The following CHD5 variants were observed in gnomAD, a reference collection of about 807,000 sequenced individuals.
CHD5 encodes the protein chromodomain helicase DNA binding protein 5.
In CHD5, 69 loss-of-function variants were observed where a neutral mutation model predicts 230.3. The ratio of observed to expected loss-of-function variants is 0.30; its 90% CI spans 0.25 to 0.37. The LOEUF is 0.37. CHD5 is among the 10% of genes least tolerant of loss of function. The pLI is 1.00. For missense variants in CHD5, 1,827 were observed against 2,622.8 expected (o/e 0.70, Z 6.63); for synonymous variants, 1,064 against 1,065.9 (o/e 1.00, Z 0.03).
intron 9 of CHD5, among the ~76,000 whole-genome samples, chr1:6,148,378 G>C (rs1666944082): frequency 6.6e-6 from 1 of 152,224 alleles, no homozygotes; most frequent in African/African-American, 2.4e-5. Flanking sequence ...ACAGGAGCCA[G>C]GTCTGGGGTG....
At position 6,111,058 on chromosome 1, in the gene CHD5, C is replaced by T. The variant is rs573352378; in HGVS notation, c.5250-532G>A. Among the ~76,000 whole-genome samples the T allele has an allele frequency of 2.0e-5, 3 of 151,592 alleles. No homozygotes were observed. In the East Asian group the frequency reaches 5.8e-4, roughly 29 times the overall value. On this transcript the variant is annotated intron_variant, in intron 36 of 41. Coordinates refer to ENST00000262450, the MANE Select transcript of CHD5 (RefSeq NM_015557.3). ...CAGCCTGGCCAACAAGGCGAAACCC[C>T]GTCTCTACTAAAATTACAAAAACTA...
intron 1 of CHD5, among the ~76,000 whole-genome samples, chr1:6,177,989 G>C (rs1667451448): frequency 6.6e-6 from 1 of 152,160 alleles, no homozygotes; most frequent in Non-Finnish European, 1.5e-5. Flanking sequence ...GTGGGTAGAA[G>C]GCCCTGGAGG....
rs983534763 is a variant in CHD5 at position 6,105,339 on chromosome 1, C to T, written c.*135G>A. The stretch of plus-strand genomic sequence containing the variant: ...TCCATGTGATGGCATTACTAGGTTT[C>T]CCTTTTTGTCCCAAGGTGGCGCTGG... On this transcript the variant is annotated 3_prime_UTR_variant, in exon 42 of 42. Coordinates refer to ENST00000262450, the MANE Select transcript of CHD5 (RefSeq NM_015557.3). This position sits in a 1 kb window ranked among gnomAD's most constrained non-coding sequence, Gnocchi z 4.8. The T allele has an allele frequency of 2.1e-6, 1 of 467,256 alleles. No homozygotes were observed. The highest frequency in any genetic ancestry group is 4.4e-6 in the Non-Finnish European group (1 of 225,540). 28.9% of individuals were successfully genotyped at this position (467,256 alleles called of 1,614,324 possible).
In CHD5 at chr1:6,168,144, C is replaced by T. The variant is rs779039813; in HGVS notation, c.207+6G>A. On this transcript the variant is annotated splice_donor_region_variant and intron_variant, in intron 2 of 41. Coordinates refer to ENST00000262450, the MANE Select transcript of CHD5 (RefSeq NM_015557.3). ...CAAGCTCGCCGGCGCAGGTGCTGCC[C>T]CTCACCTCTTTCTTCTTCCGCTTCC... 1 of 1,600,818 alleles carries T rather than the reference C, an allele frequency of 6.2e-7. No homozygotes were observed. Among genetic ancestry groups the T allele is most frequent in the East Asian group, 2.2e-5 (1 of 44,558 alleles).
In CHD5 at chr1:6,142,454, G is replaced by A; in HGVS notation, c.2195C>T (p.Thr732Met). 1 of 1,614,070 alleles carries A rather than the reference G, an allele frequency of 6.2e-7. No individual in the cohort carries two copies. The change falls in exon 14 of 42, where the codon ACG (threonine) becomes ATG (methionine). Residue 732 changes from threonine (T) to methionine (M), a missense_variant. This residue lies in a region of CHD5 where 37 missense variants were observed against 105.7 expected (regional missense o/e 0.35). Transcript: ENST00000262450. The surrounding 1 kb of genome is among the most constrained non-coding windows in gnomAD (Gnocchi z 5.2). ...GTAAAGGAACACGATGGTCTGCACC[G>A]TCTTGCCCAGACCCATCTCATCGGC... ...ILADEMGLGK[T>M]VQTIVFLYSL...
At position 6,129,468 on chromosome 1, in the gene CHD5, G is replaced by A. The variant is rs1666617971; in HGVS notation, c.3388-399C>T. On this transcript the variant is annotated intron_variant, in intron 22 of 41. Coordinates refer to ENST00000262450, the MANE Select transcript of CHD5 (RefSeq NM_015557.3). This position sits in a 1 kb window ranked among gnomAD's most constrained non-coding sequence, Gnocchi z 6.8. Reference sequence around the variant, plus strand: ...TAATGGGACCACAAGACCATGTGCTGGAGACACGCAGCCACCTTCTGAGGG... The same window carrying A: ...TAATGGGACCACAAGACCATGTGCTAGAGACACGCAGCCACCTTCTGAGGG... 2.0e-5 allele frequency among the ~76,000 whole-genome samples: 3 copies of A among 152,260 alleles called. No individual in the cohort carries two copies. The highest frequency in any genetic ancestry group is 2.1e-4 in the South Asian group (1 of 4,820).
In CHD5 at chr1:6,155,850, A is replaced by G; in HGVS notation, c.388-133T>C. ...GTTGTGTCTGCAATGTAACCAGACC[A>G]TTCTCACCCACCCTAGGAAACATTC... On this transcript the variant is annotated intron_variant, in intron 3 of 41. Coordinates refer to ENST00000262450, the MANE Select transcript of CHD5 (RefSeq NM_015557.3). The surrounding 1 kb of genome is among the most constrained non-coding windows in gnomAD (Gnocchi z 4.0). The G allele has an allele frequency of 1.5e-6, 1 of 654,190 alleles. No individual in the cohort carries two copies. The highest frequency in any genetic ancestry group is 2.7e-5 in the East Asian group (1 of 36,768). The allele number at this position is 654,190 out of a possible 1,614,324, so 40.5% of individuals were successfully genotyped here.
chr1:6,134,684 T>A lies in CHD5; in HGVS notation c.3012+34A>T. On this transcript the variant is annotated intron_variant, in intron 19 of 41. Coordinates refer to ENST00000262450, the MANE Select transcript of CHD5 (RefSeq NM_015557.3). This position sits in a 1 kb window ranked among gnomAD's most constrained non-coding sequence, Gnocchi z 6.3. ...CCACAGGCACCTACCATGGCGGTCA[T>A]GGAGAAGCTGCCATGATGGCCGGGG... 1 of 1,611,380 alleles carries A rather than the reference T, an allele frequency of 6.2e-7. No homozygotes were observed. Among genetic ancestry groups the A allele is most frequent in the South Asian group, 1.1e-5 (1 of 91,002 alleles).
chr1:6,142,950 G>A lies in CHD5; in HGVS notation c.2044-345C>T, dbSNP rs184038627. On this transcript the variant is annotated intron_variant, in intron 13 of 41. Coordinates refer to ENST00000262450, the MANE Select transcript of CHD5 (RefSeq NM_015557.3). The surrounding 1 kb of genome is among the most constrained non-coding windows in gnomAD (Gnocchi z 5.2). ...CTCTTGAGTACCACACAGTGCCTGG[G>A]ACATGTGGTCACTTACTCACCATTT... Among the ~76,000 whole-genome samples, 1 of 152,180 alleles carries A rather than the reference G, an allele frequency of 6.6e-6. No homozygotes were observed. Among genetic ancestry groups the A allele is most frequent in the South Asian group, 2.1e-4 (1 of 4,828 alleles).
chr1:6,169,134 C>T (rs1198151405), intron 1 of CHD5, among the ~76,000 whole-genome samples: 1 of 152,114 alleles, frequency 6.6e-6, no homozygotes, highest in Admixed American at 6.6e-5. Context: ...GCCAGGATAC[C>T]CCATGGGTTT....
At chr1:6,156,290 A>T (rs1453065407) in intron 3 of CHD5, among the ~76,000 whole-genome samples, 3 of 152,072 alleles carry the variant, frequency 2.0e-5, no homozygotes, top group African/African-American at 7.2e-5. Context: ...TAATCCCAAC[A>T]CTTTGGGAGG....
chr1:6,138,359 AGAGT>A (rs1557549119), intron 15 of CHD5, among the ~76,000 whole-genome samples: 3 of 152,056 alleles, frequency 2.0e-5, no homozygotes, highest in African/African-American at 7.2e-5. Flanking sequence ...CCTGGGTGAC[AGAGT>A]GAGTCTCTGT....
rs767523149 is a variant in CHD5, at chr1:6,142,342, C to T, written c.2236-14G>A. 1.3e-6 allele frequency: 2 copies of T among 1,598,132 alleles called. No individual in the cohort carries two copies. Among genetic ancestry groups the T allele is most frequent in the Non-Finnish European group, 1.7e-6 (2 of 1,167,634 alleles). On this transcript the variant is annotated splice_polypyrimidine_tract_variant and intron_variant, in intron 14 of 41. Transcript: ENST00000262450. The surrounding 1 kb of genome is among the most constrained non-coding windows in gnomAD (Gnocchi z 5.2). Reference sequence around the variant, plus strand: ...TTTGGAGTGGCCCTGGAGAGAGAGGCCGATGCCGTGAGACCACCTGCCCTT... The same window carrying T: ...TTTGGAGTGGCCCTGGAGAGAGAGGTCGATGCCGTGAGACCACCTGCCCTT...
chr1:6,126,802 G>T lies in CHD5; in HGVS notation c.3904-56C>A. ...TGGAGCCATCTCTGCCCTCCCGGAA[G>T]CCTCAGGCTGCCTCCACCTGACCTG... On this transcript the variant is annotated intron_variant, in intron 25 of 41. Coordinates refer to ENST00000262450, the MANE Select transcript of CHD5 (RefSeq NM_015557.3). This position sits in a 1 kb window ranked among gnomAD's most constrained non-coding sequence, Gnocchi z 5.7. 6.5e-7 allele frequency: 1 copy of T among 1,534,714 alleles called. No homozygotes were observed. The highest frequency in any genetic ancestry group is 8.9e-7 in the Non-Finnish European group (1 of 1,122,414).
intron 36 of CHD5, among the ~76,000 whole-genome samples, chr1:6,111,092 T>C (rs1403710560): frequency 6.9e-6 from 1 of 145,640 alleles, no homozygotes; most frequent in East Asian, 2.0e-4. Context: ...TAGCTGGGAG[T>C]GGTGGTGCAT....
Position 6,146,695 on chromosome 1 carries a change from G to A in CHD5, c.1560C>T (p.Tyr520=). The A allele has an allele frequency of 1.2e-6, 2 of 1,613,940 alleles. No individual in the cohort carries two copies. Among genetic ancestry groups the A allele is most frequent in the Non-Finnish European group, 8.5e-7 (1 of 1,179,990 alleles). ...GCTCCTTCACCCAGGAGCAATGCCAGTAGGACAGCCCTGCCCACTTGACAA... is the reference window on the plus strand; with the variant it reads ...GCTCCTTCACCCAGGAGCAATGCCAATAGGACAGCCCTGCCCACTTGACAA... ...EFFVKWAGLS[Y]WHCSWVKELQ... The change falls in exon 10 of 42, where the codon TAC becomes TAT. Residue 520 remains tyrosine, a synonymous_variant. Coordinates refer to ENST00000262450, the MANE Select transcript of CHD5 (RefSeq NM_015557.3). The surrounding 1 kb of genome is among the most constrained non-coding windows in gnomAD (Gnocchi z 5.1).
At position 6,105,344 on chromosome 1, in the gene CHD5, T is replaced by C. The variant is rs371255350; in HGVS notation, c.*130A>G. The C allele has an allele frequency of 1.2e-4, 56 of 468,230 alleles. No individual in the cohort carries two copies. The highest frequency in any genetic ancestry group is 8.6e-4 in the African/African-American group (43 of 49,986). The allele number at this position is 468,230 out of a possible 1,614,324, so 29.0% of individuals were successfully genotyped here. A position where few individuals can be genotyped will look rare whatever the true frequency, so the allele number is the denominator to read the frequency against. ...GTGATGGCATTACTAGGTTTCCCTT[T>C]TTGTCCCAAGGTGGCGCTGGCTCCT... On this transcript the variant is annotated 3_prime_UTR_variant, in exon 42 of 42. Transcript: ENST00000262450. This position sits in a 1 kb window ranked among gnomAD's most constrained non-coding sequence, Gnocchi z 4.8.
chr1:6,177,921 G>A (rs753585115), intron 1 of CHD5, among the ~76,000 whole-genome samples: 13 of 152,140 alleles, frequency 8.5e-5, no homozygotes, highest in Non-Finnish European at 1.5e-4. Context: ...TGCGGGTCGG[G>A]ATCTGACTTG....
chr1:6,120,798 G>A (rs911270098), intron 33 of CHD5, among the ~76,000 whole-genome samples: 7 of 152,132 alleles, frequency 4.6e-5, no homozygotes, highest in Non-Finnish European at 8.8e-5. Flanking sequence ...AGCTACTAGG[G>A]AGACTGAGGC....
Sources: gnomAD v4.1 joint callset for allele counts (sites outside exome capture counted in the v4.1 genomes callset) on GRCh38, gnomAD v4.1.1 for gene constraint, gnomAD v4.1.1 regional missense constraint, Gnocchi (gnomAD v3.1) non-coding constraint, MANE v1.5 for transcripts, NCBI Gene and HGNC (gene_info 2026-07-23, HGNC 2026-07-21) for gene names.